Variants in FRS2 observed in about 807,000 individuals in gnomAD.
FRS2 encodes FGFR signalling adaptor.
A neutral mutation model predicts 43.9 loss-of-function variants in FRS2; 8 were observed. The observed-to-expected ratio is 0.18, with a 90% CI of 0.11 to 0.33. The LOEUF (loss-of-function observed/expected upper bound fraction) is 0.33, where lower values mean the gene tolerates loss of function less well. Among genes scored for constraint, FRS2 ranks in the 10% least tolerant of loss-of-function variants. FRS2 has a pLI of 1.00. For synonymous variants in FRS2, 219 were observed against 220.3 expected (o/e 0.99, Z 0.05); for missense variants, 534 against 627.6 (o/e 0.85, Z 1.59).
chr12:69,520,080 A>G (rs1875475105), intron 1 of FRS2, among the ~76,000 whole-genome samples: 1 of 152,018 alleles, frequency 6.6e-6, no homozygotes, highest in Admixed American at 6.5e-5. Flanking sequence ...TTATTTCTTG[A>G]CTTCTTAATA....
Position 69,570,420 on chromosome 12 carries a change from T to G in FRS2, c.156T>G (p.Arg52=). 1 of 1,612,822 alleles carries G rather than the reference T, an allele frequency of 6.2e-7. No individual in the cohort carries two copies. Among genetic ancestry groups the G allele is most frequent in the Admixed American group, 1.7e-5 (1 of 60,014 alleles). ...AACTGATTTTATACACCCGCAAACG[T>G]GACTCAGTAAAATGGCACTACCTCT... The part of the protein sequence containing the change: ...DTELILYTRK[R]DSVKWHYLCL... Residue 52 remains arginine (R), a synonymous_variant, in exon 6 of 9, where the codon CGT becomes CGG. Coordinates refer to ENST00000549921, the MANE Select transcript of FRS2 (RefSeq NM_001278356.2).
intron 1 of FRS2, among the ~76,000 whole-genome samples, chr12:69,477,353 T>C (rs906821731): frequency 6.9e-6 from 1 of 145,736 alleles, no homozygotes; most frequent in African/African-American, 2.6e-5. Context: ...CGATCTCAGC[T>C]CACTGCAAGC....
intron 3 of FRS2, among the ~76,000 whole-genome samples, chr12:69,545,809 C>G (rs1348621043): frequency 2.7e-5 from 4 of 147,370 alleles, no homozygotes; most frequent in Non-Finnish European, 6.0e-5. Flanking sequence ...TAAACACTTG[C>G]ATATATGGTC....
At chr12:69,545,755 C>CAAA (rs60460901) in intron 3 of FRS2, among the ~76,000 whole-genome samples, 48 of 80,390 alleles carry the variant, frequency 6.0e-4, no homozygotes, top group Non-Finnish European at 6.2e-4. Flanking sequence ...GACCCTGTCT[C>CAAA]AAAAAAAAAA....
At chr12:69,488,082 T>C (rs962036010) in intron 1 of FRS2, among the ~76,000 whole-genome samples, 6 of 152,226 alleles carry the variant, frequency 3.9e-5, no homozygotes, top group East Asian at 1.9e-4. Context: ...TTGGGAACAT[T>C]GTTAAAATGA....
At position 69,571,888 on chromosome 12, in the gene FRS2, A is replaced by T. The variant is rs528913734; in HGVS notation, c.413-230A>T. Among the ~76,000 whole-genome samples the T allele has an allele frequency of 4.6e-5, 7 of 152,202 alleles. No individual in the cohort carries two copies. In the East Asian group the frequency reaches 1.2e-3, roughly 25 times the overall value. Reference sequence around the variant, plus strand: ...CAAAAACAAAACAAAACAAAACAGAACAAAAAAACACAGCCGTAGTTCTAA... The same window carrying T: ...CAAAAACAAAACAAAACAAAACAGATCAAAAAAACACAGCCGTAGTTCTAA... On this transcript the variant is annotated intron_variant, in intron 7 of 8. Transcript: ENST00000549921.
intron 1 of FRS2, among the ~76,000 whole-genome samples, chr12:69,524,171 C>T (rs942510035): frequency 3.9e-5 from 6 of 151,932 alleles, no homozygotes; most frequent in Non-Finnish European, 8.8e-5. Context: ...GCAGTGTCGG[C>T]GGCAGGGGCT....
chr12:69,560,707 C>T (rs1163268869), intron 3 of FRS2, among the ~76,000 whole-genome samples: 1 of 152,042 alleles, frequency 6.6e-6, no homozygotes, highest in Non-Finnish European at 1.5e-5. Context: ...AATTAGTTTG[C>T]TATAGAAAAA....
intron 1 of FRS2, among the ~76,000 whole-genome samples, chr12:69,529,244 G>A (rs1370680205): frequency 6.6e-6 from 1 of 152,180 alleles, no homozygotes; most frequent in Non-Finnish European, 1.5e-5. Flanking sequence ...GACCATCGTA[G>A]TAAGAGTGGA....
intron 3 of FRS2, among the ~76,000 whole-genome samples, chr12:69,561,576 G>T (rs1030208321): frequency 9.2e-5 from 14 of 152,156 alleles, no homozygotes; most frequent in African/African-American, 2.9e-4. Flanking sequence ...GAAATCTCTT[G>T]TAACTCTGGA....
chr12:69,547,676 G>C (rs1878524067), intron 3 of FRS2, among the ~76,000 whole-genome samples: 1 of 152,038 alleles, frequency 6.6e-6, no homozygotes, highest in Admixed American at 6.6e-5. Flanking sequence ...CTTATTCCCT[G>C]TGTATGTGTA....
At chr12:69,493,815 A>T (rs905691055) in intron 1 of FRS2, among the ~76,000 whole-genome samples, 1 of 152,238 alleles carries the variant, frequency 6.6e-6, no homozygotes, top group Admixed American at 6.5e-5. Context: ...CGTTAAGTGT[A>T]CTTTCATTCC....
chr12:69,492,751 G>T (rs1364765563), intron 1 of FRS2, among the ~76,000 whole-genome samples: 1 of 152,092 alleles, frequency 6.6e-6, no homozygotes, highest in African/African-American at 2.4e-5. Flanking sequence ...TGTTCTGTCT[G>T]TTATAGTCCA....
At chr12:69,474,154 T>C (rs1332132547) in intron 1 of FRS2, among the ~76,000 whole-genome samples, 1 of 152,166 alleles carries the variant, frequency 6.6e-6, no homozygotes, top group African/African-American at 2.4e-5. Flanking sequence ...GATTACACTT[T>C]TTAAGTGTCG....
intron 1 of FRS2, among the ~76,000 whole-genome samples, chr12:69,491,366 G>A (rs910008468): frequency 1.3e-5 from 2 of 152,118 alleles, no homozygotes; most frequent in African/African-American, 2.4e-5. Flanking sequence ...AAAGTGCTGC[G>A]ATTAATAGTC....
intron 3 of FRS2, among the ~76,000 whole-genome samples, chr12:69,551,872 T>A (rs973794280): frequency 6.6e-5 from 10 of 152,314 alleles, no homozygotes; most frequent in East Asian, 3.9e-4. Flanking sequence ...TCATTGACTG[T>A]ATGGCATGTT....
intron 1 of FRS2, among the ~76,000 whole-genome samples, chr12:69,498,555 G>GTGTGTGTGTGT (rs1565727350): frequency 6.6e-6 from 1 of 150,650 alleles, no homozygotes; most frequent in Non-Finnish European, 1.5e-5. Flanking sequence ...GTGTGTGTTT[G>GTGTGTGTGTGT]GTTTTTTGTT....
rs1278518016 is a variant in FRS2 at position 69,488,777 on chromosome 12, C to T, written c.-261+18247C>T. 7.2e-5 allele frequency among the ~76,000 whole-genome samples: 11 copies of T among 152,238 alleles called. No individual in the cohort carries two copies. In the East Asian group the frequency reaches 1.7e-3, roughly 24 times the overall value. ...CTTTTTCCTCATAATTCAGTTCATA[C>T]GATCTTAAATTATATAATTAACAAT... On this transcript the variant is annotated intron_variant, in intron 1 of 8. Transcript: ENST00000549921.
At chr12:69,495,916 G>A (rs1330941486) in intron 1 of FRS2, among the ~76,000 whole-genome samples, 1 of 151,972 alleles carries the variant, frequency 6.6e-6, no homozygotes, top group Non-Finnish European at 1.5e-5. Context: ...GGATGACAGC[G>A]AGACTCTCTC....
Sources: gnomAD v4.1 joint callset for allele counts (sites outside exome capture counted in the v4.1 genomes callset) on GRCh38, gnomAD v4.1.1 for gene constraint, MANE v1.5 for transcripts, NCBI Gene and HGNC (gene_info 2026-07-23, HGNC 2026-07-21) for gene names.